The following SZT2 variants were observed in gnomAD, a reference collection of about 807,000 sequenced individuals.
SZT2 encodes KICSTOR complex protein SZT2.
Under a neutral mutation model 404.2 loss-of-function variants are expected in SZT2, and 216 were observed. The ratio of observed to expected loss-of-function variants is 0.53; its 90% CI spans 0.48 to 0.60. The LOEUF is 0.60. SZT2 is among the 20% of genes least tolerant of loss of function. The probability of loss-of-function intolerance (pLI) is 0.00; values close to 1 mark genes in which losing one functional copy is unlikely to be tolerated. For synonymous variants in SZT2, 1,693 were observed against 1,749.9 expected (o/e 0.97, Z 0.81); for missense variants, 3,857 against 4,459.2 (o/e 0.86, Z 3.85).
intron 1 of SZT2, among the ~76,000 whole-genome samples, chr1:43,398,452 CAAA>C (rs780126291): frequency 1.3e-5 from 2 of 152,086 alleles, no homozygotes; most frequent in African/African-American, 4.8e-5. Context: ...CATCCCTTAA[CAAA>C]AAAATTCTTT....
intron 4 of SZT2, chr1:43,412,304 CTG>C (rs2153931090): frequency 6.6e-6 from 1 of 152,446 alleles, no homozygotes; most frequent in African/African-American, 2.4e-5. Flanking sequence ...CTGGTACTGG[CTG>C]TGTTCTCCAT....
In SZT2 at chr1:43,422,064, C is replaced by G; in HGVS notation, c.1627-19C>G. ...GTCCTCTGCAAATGCTCCTATAGTGCTGTCCTTCCTGTCCTCAGGTGCTCT... is the reference window on the plus strand; with the variant it reads ...GTCCTCTGCAAATGCTCCTATAGTGGTGTCCTTCCTGTCCTCAGGTGCTCT... On this transcript the variant is annotated intron_variant, in intron 11 of 71. Transcript: ENST00000634258. 1 of 1,589,394 alleles carries G rather than the reference C, an allele frequency of 6.3e-7. No individual in the cohort carries two copies. Among genetic ancestry groups the G allele is most frequent in the Non-Finnish European group, 8.5e-7 (1 of 1,173,182 alleles).
Position 43,450,331 on chromosome 1 carries a change from CCA to C in SZT2, c.10156-3_10156-2del, listed in dbSNP as rs761016357. The C allele has an allele frequency of 1.6e-5, 26 of 1,613,880 alleles. No individual in the cohort carries two copies. The highest frequency in any genetic ancestry group is 1.9e-5 in the Non-Finnish European group (22 of 1,179,968). Reference sequence around the variant, plus strand: ...CACCAGTGCATCCCCACCGTGTTCCCCACAGTCTCTGACAGTGGTTTTCCGAG... The same window carrying C: ...CACCAGTGCATCCCCACCGTGTTCCCCAGTCTCTGACAGTGGTTTTCCGAG... On this transcript the variant is annotated splice_region_variant and splice_polypyrimidine_tract_variant and intron_variant, in intron 71 of 71. Coordinates refer to ENST00000634258, the MANE Select transcript of SZT2 (RefSeq NM_001365999.1). The surrounding 1 kb of genome is among the most constrained non-coding windows in gnomAD (Gnocchi z 4.3).
At position 43,422,678 on chromosome 1, in the gene SZT2, G is replaced by A. The variant is rs756626920; in HGVS notation, c.1922+46G>A. 2.4e-4 allele frequency: 255 copies of A among 1,061,086 alleles called. 2 individuals carry two copies. The South Asian group carries it at 4.4e-3, about 18-fold the overall frequency. 65.7% of individuals were successfully genotyped at this position (1,061,086 alleles called of 1,614,324 possible). ...TCACCCCCCGCCCCCCCACCCCCCC[G>A]CCACCTCATCCCATGTCTCCCTCTA... On this transcript the variant is annotated intron_variant, in intron 13 of 71. Coordinates refer to ENST00000634258, the MANE Select transcript of SZT2 (RefSeq NM_001365999.1).
At chr1:43,444,502 G>A (rs928369685) in intron 62 of SZT2, among the ~76,000 whole-genome samples, 7 of 151,822 alleles carry the variant, frequency 4.6e-5, no homozygotes, top group South Asian at 4.2e-4. Context: ...TGTAGTTCTC[G>A]GCCCAGGGAA....
Position 43,452,973 on chromosome 1 carries a change from T to A in SZT2, c.*2493T>A. ...GCCACAGCACCCTTGCAAGGAACAC[T>A]CAACTTCCTGCCCATCAAGCAATGC... On this transcript the variant is annotated 3_prime_UTR_variant, in exon 72 of 72. Transcript: ENST00000634258. 1.2e-6 allele frequency: 2 copies of A among 1,608,048 alleles called. No individual in the cohort carries two copies. The highest frequency in any genetic ancestry group is 1.7e-6 in the Non-Finnish European group (2 of 1,177,304).
At position 43,451,120 on chromosome 1, in the gene SZT2, T is replaced by C. The variant is rs746661410; in HGVS notation, c.*640T>C. ...AGAGAAACTGAAGTGTTAGACACTA[T>C]GTGTCCCACCACCCCATTACAGAGA... On this transcript the variant is annotated 3_prime_UTR_variant, in exon 72 of 72. Transcript: ENST00000634258. The C allele has an allele frequency of 1.0e-6, 1 of 989,028 alleles. No individual in the cohort carries two copies. Among genetic ancestry groups the C allele is most frequent in the Non-Finnish European group, 1.6e-6 (1 of 616,982 alleles). The allele number at this position is 989,028 out of a possible 1,614,324, so 61.3% of individuals were successfully genotyped here. A position where few individuals can be genotyped will look rare whatever the true frequency, so the allele number is the denominator to read the frequency against.
Position 43,452,998 on chromosome 1 carries a change from C to A in SZT2, c.*2518C>A. ...TCAACTTCCTGCCCATCAAGCAATGCCCACTCCTTGAAGACAGTCCAAGCA... is the reference window on the plus strand; with the variant it reads ...TCAACTTCCTGCCCATCAAGCAATGACCACTCCTTGAAGACAGTCCAAGCA... On this transcript the variant is annotated 3_prime_UTR_variant, in exon 72 of 72. Transcript: ENST00000634258. The A allele has an allele frequency of 6.4e-7, 1 of 1,563,790 alleles. No homozygotes were observed.
rs769083980 is a variant in SZT2 at position 43,443,239 on chromosome 1, G to A, written c.8471G>A (p.Arg2824His). The change falls in exon 60 of 72, where the codon CGT (arginine) becomes CAT (histidine). Residue 2824 changes from arginine to histidine, a missense_variant. By Grantham distance (29) the Arg-to-His change is conservative. This residue lies in a region of SZT2 where 717 missense variants were observed against 868.2 expected (regional missense o/e 0.83). Transcript: ENST00000634258. The part of the protein sequence containing the change: ...MENLFVTWQQ[R>H]STPATMPISA... ...AACCTGTTTGTAACCTGGCAGCAGC[G>A]TTCTACCCCAGCCACCATGCCCATC... is the stretch of plus-strand genomic sequence containing the variant. 20 of 1,614,032 alleles carry A rather than the reference G, an allele frequency of 1.2e-5. No individual in the cohort carries two copies. In the South Asian group the frequency reaches 1.4e-4, roughly 12 times the overall value.
At position 43,419,892 on chromosome 1, in the gene SZT2, C is replaced by T; in HGVS notation, c.1038C>T (p.Leu346=). ...TGACTGTCTACCACCGGGCATTTCT[C>T]CTCTATTCCTTCCTGCGCAGTGGGG... ...LGLTVYHRAF[L]LYSFLRSGEA... is the part of the protein sequence containing the mutation. Residue 346 remains leucine (L), a synonymous_variant, in exon 8 of 72, where the codon CTC becomes CTT. Transcript: ENST00000634258. 6.3e-7 allele frequency: 1 copy of T among 1,598,448 alleles called. No homozygotes were observed. The highest frequency in any genetic ancestry group is 8.5e-7 in the Non-Finnish European group (1 of 1,179,782).
At position 43,438,719 on chromosome 1, in the gene SZT2, C is replaced by G. The variant is rs772250051; in HGVS notation, c.6529C>G (p.Leu2177Val). Residue 2177 changes from leucine to valine, a missense_variant, in exon 47 of 72, where the codon CTC (leucine) becomes GTC (valine). Physicochemically the swap from Leu to Val is conservative, Grantham distance 32 (BLOSUM62 1). Around this residue, in one of 7 missense-constraint regions of SZT2, gnomAD observed 261 missense variants for 372.9 expected, o/e 0.70. Transcript: ENST00000634258. ...GQAGPEITDELVRVLCRRLDE... is the reference protein window; with the variant it reads ...GQAGPEITDEVVRVLCRRLDE... The stretch of plus-strand genomic sequence containing the variant: ...TCAAGGTCCTGAGATCACGGATGAG[C>G]TCGTGCGAGTTCTATGTCGGCGCCT... 2 of 1,613,940 alleles carry G rather than the reference C, an allele frequency of 1.2e-6. No homozygotes were observed.
chr1:43,448,195 G>A lies in SZT2; in HGVS notation c.9680G>A (p.Ser3227Asn). The change falls in exon 69 of 72, where the codon AGT becomes AAT. Residue 3227 changes from serine to asparagine, a missense_variant. Physicochemically the swap from Ser to Asn is conservative, Grantham distance 46. Transcript: ENST00000634258. The surrounding 1 kb of genome is among the most constrained non-coding windows in gnomAD (Gnocchi z 4.2). ...CCCCCTGAGCCAGAGGCTCCTGGGA[G>A]TTCAGCTGGCAGCCCTGGGGAGGCC... ...RLPPEPEAPGSSAGSPGEASG... is the reference protein window; with the variant it reads ...RLPPEPEAPGNSAGSPGEASG... 6.2e-7 allele frequency: 1 copy of A among 1,611,486 alleles called. No homozygotes were observed. The highest frequency in any genetic ancestry group is 8.5e-7 in the Non-Finnish European group (1 of 1,178,644).
At position 43,448,135 on chromosome 1, in the gene SZT2, C is replaced by G. The variant is rs942832962; in HGVS notation, c.9620C>G (p.Ala3207Gly). The change falls in exon 69 of 72, where the codon GCT (alanine) becomes GGT (glycine). Residue 3207 changes from alanine to glycine, a missense_variant. By Grantham distance (60) the Ala-to-Gly change is moderately conservative. Around this residue, in one of 7 missense-constraint regions of SZT2, gnomAD observed 717 missense variants for 868.2 expected, o/e 0.83. Coordinates refer to ENST00000634258, the MANE Select transcript of SZT2 (RefSeq NM_001365999.1). This position sits in a 1 kb window ranked among gnomAD's most constrained non-coding sequence, Gnocchi z 4.2. ...CGAGAGCTCTTCCCCAGGCTCACTG[C>G]TGACATGCGCCGCTTCCGGAAGCCA... ...SQRELFPRLT[A>G]DMRRFRKPPR... The G allele has an allele frequency of 6.2e-7, 1 of 1,607,710 alleles. No individual in the cohort carries two copies. Among genetic ancestry groups the G allele is most frequent in the Non-Finnish European group, 8.5e-7 (1 of 1,176,136 alleles).
At chr1:43,423,578 CAT>C in intron 15 of SZT2, among the ~76,000 whole-genome samples, 1 of 137,364 alleles carries the variant, frequency 7.3e-6, no homozygotes, top group Non-Finnish European at 1.5e-5. Flanking sequence ...TGTGGAAGGG[CAT>C]GGCTTAGCGG....
chr1:43,448,653 G>A lies in SZT2; in HGVS notation c.10011G>A (p.Leu3337=). The change falls in exon 70 of 72, where the codon CTG becomes CTA. Residue 3337 remains leucine (L), a synonymous_variant. Transcript: ENST00000634258. This position sits in a 1 kb window ranked among gnomAD's most constrained non-coding sequence, Gnocchi z 4.2. Reference sequence around the variant, plus strand: ...TGACGGTCTCCTGGTACCAGAGCCTGATCAAAGTTCTCCTAAGCCGCTTCC... The same window carrying A: ...TGACGGTCTCCTGGTACCAGAGCCTAATCAAAGTTCTCCTAAGCCGCTTCC... ...LSMTVSWYQS[L]IKVLLSRFPQ... is the part of the protein sequence containing the mutation. 1 of 1,614,208 alleles carries A rather than the reference G, an allele frequency of 6.2e-7. No homozygotes were observed. Among genetic ancestry groups the A allele is most frequent in the Non-Finnish European group, 8.5e-7 (1 of 1,180,038 alleles).
chr1:43,429,825 C>A lies in SZT2; in HGVS notation c.4289C>A (p.Ala1430Asp). ...CAGCTCAGAGGAGAGGCCCATGGTG[C>A]CCTTCATAGCGTCATCCAGGTGGGA... ...VCQLRGEAHG[A>D]LHSVIQEKFL... Residue 1430 changes from alanine (A) to aspartate (D), a missense_variant, in exon 29 of 72, where the codon GCC becomes GAC. Physicochemically the swap from Ala to Asp is moderately radical, Grantham distance 126. Transcript: ENST00000634258. The A allele has an allele frequency of 6.2e-7, 1 of 1,614,170 alleles. No individual in the cohort carries two copies.
Position 43,437,033 on chromosome 1 carries a change from G to C in SZT2, c.6035-138G>C, listed in dbSNP as rs975144757. On this transcript the variant is annotated intron_variant, in intron 42 of 71. Coordinates refer to ENST00000634258, the MANE Select transcript of SZT2 (RefSeq NM_001365999.1). This position sits in a 1 kb window ranked among gnomAD's most constrained non-coding sequence, Gnocchi z 5.3. ...CTGCCTGGCCCTGTCGTGTTACCCAGAATGATCATCATTTCTCTGCAATAG... is the reference window on the plus strand; with the variant it reads ...CTGCCTGGCCCTGTCGTGTTACCCACAATGATCATCATTTCTCTGCAATAG... 4 of 1,191,508 alleles carry C rather than the reference G, an allele frequency of 3.4e-6. No homozygotes were observed. Among genetic ancestry groups the C allele is most frequent in the East Asian group, 4.7e-5 (2 of 42,132 alleles). 73.8% of individuals were successfully genotyped at this position (1,191,508 alleles called of 1,614,324 possible). A position where few individuals can be genotyped will look rare whatever the true frequency, so the allele number is the denominator to read the frequency against.
Position 43,437,643 on chromosome 1 carries a change from G to A in SZT2, c.6339G>A (p.Leu2113=). ...ACCGGCCATGGAAAGGGGATGCGCTGCCCCCTTCCCTCGCTCTGTCCCGAA... is the reference window on the plus strand; with the variant it reads ...ACCGGCCATGGAAAGGGGATGCGCTACCCCCTTCCCTCGCTCTGTCCCGAA... The part of the protein sequence containing the change: ...CSDRPWKGDA[L]PPSLALSRSQ... The change falls in exon 45 of 72, where the codon CTG becomes CTA. Residue 2113 remains leucine, a synonymous_variant. Coordinates refer to ENST00000634258, the MANE Select transcript of SZT2 (RefSeq NM_001365999.1). The surrounding 1 kb of genome is among the most constrained non-coding windows in gnomAD (Gnocchi z 5.3). 1 of 1,614,048 alleles carries A rather than the reference G, an allele frequency of 6.2e-7. No individual in the cohort carries two copies. The highest frequency in any genetic ancestry group is 2.2e-5 in the East Asian group (1 of 44,868).
At chr1:43,390,552 ATC>A (rs1394918985) in intron 1 of SZT2, among the ~76,000 whole-genome samples, 1 of 152,260 alleles carries the variant, frequency 6.6e-6, no homozygotes, top group African/African-American at 2.4e-5. Context: ...TTTATAAAAT[ATC>A]TGTCTTATAG....
Sources: allele counts gnomAD v4.1 joint callset (sites outside exome capture counted in the v4.1 genomes callset), GRCh38; gene constraint gnomAD v4.1.1; regional missense constraint gnomAD v4.1.1; non-coding constraint Gnocchi (gnomAD v3.1); transcripts MANE v1.5; gene names NCBI Gene and HGNC (gene_info 2026-07-23, HGNC 2026-07-21).